Variants in PTPN9 observed in about 807,000 individuals in gnomAD.
The protein encoded by PTPN9 is protein tyrosine phosphatase non-receptor type 9.
Under a neutral mutation model 69.8 loss-of-function variants are expected in PTPN9, and 26 were observed. The observed-to-expected ratio is 0.37, with a 90% CI of 0.27 to 0.52. The LOEUF (loss-of-function observed/expected upper bound fraction) is 0.52. PTPN9 is among the 20% of genes least tolerant of loss of function. The pLI, the probability that PTPN9 is intolerant of heterozygous loss-of-function variation, is 0.91. For synonymous variants in PTPN9, 274 were observed against 272.5 expected (o/e 1.01, Z -0.05); for missense variants, 549 against 740.3 (o/e 0.74, Z 3.00).
Position 75,527,127 on chromosome 15 carries a change from G to A in PTPN9, c.198C>T (p.His66=), listed in dbSNP as rs2141322274. 3 of 1,614,174 alleles carry A rather than the reference G, an allele frequency of 1.9e-6. No individual in the cohort carries two copies. The highest frequency in any genetic ancestry group is 2.5e-6 in the Non-Finnish European group (3 of 1,180,028). ...FDVLRAIELF[H]SYRETRRKEG... ...CCCCTGAGCCACATACTCTGTAGGA[G>A]TGGAACAATTCTATGGCACGGAGCA... Residue 66 remains histidine (H), a synonymous_variant, in exon 2 of 13, where the codon CAC becomes CAT. Coordinates refer to ENST00000618819, the MANE Select transcript of PTPN9 (RefSeq NM_002833.4).
intron 1 of PTPN9, among the ~76,000 whole-genome samples, chr15:75,577,866 C>A (rs2075180770): frequency 6.6e-6 from 1 of 152,050 alleles, no homozygotes; most frequent in Non-Finnish European, 1.5e-5. Context: ...CAGCGAAAAG[C>A]CCGTAGGGTT....
chr15:75,532,421 T>C (rs896478656), intron 1 of PTPN9, among the ~76,000 whole-genome samples: 12 of 151,886 alleles, frequency 7.9e-5, no homozygotes. Context: ...AAAAGATAAC[T>C]TTTCATTTTT....
At chr15:75,527,007 T>C (rs895650128) in intron 2 of PTPN9, 111 bp downstream of exon 2, 4 of 1,373,168 alleles carry the variant, frequency 2.9e-6, no homozygotes, top group Non-Finnish European at 4.0e-6. Flanking sequence ...CCATTTTTTA[T>C]GAAAGTGAGG....
intron 12 of PTPN9, 61 bp from the exon 13 acceptor site, chr15:75,469,044 A>G: frequency 7.0e-7 from 1 of 1,431,524 alleles, no homozygotes; most frequent in East Asian, 2.4e-5. Context: ...CCCTCTACCA[A>G]ATAACCCAGG....
intron 1 of PTPN9, among the ~76,000 whole-genome samples, chr15:75,578,104 G>A (rs112166367): frequency 2.1e-4 from 32 of 152,316 alleles, no homozygotes; most frequent in African/African-American, 6.0e-4. Context: ...CGGGTGAGGA[G>A]ATGCGCCCCG....
intron 1 of PTPN9, among the ~76,000 whole-genome samples, chr15:75,573,166 A>G (rs898689564): frequency 2.0e-5 from 3 of 152,206 alleles, no homozygotes; most frequent in Non-Finnish European, 2.9e-5. Flanking sequence ...TCATGGCTAC[A>G]TCACTTGTTA....
intron 10 of PTPN9, among the ~76,000 whole-genome samples, chr15:75,471,291 A>T (rs2074563292): frequency 6.6e-6 from 1 of 152,138 alleles, no homozygotes. Context: ...AGAAAAAGAA[A>T]AAAAAAGAGT....
At chr15:75,557,389 C>T (rs1008332592) in intron 1 of PTPN9, among the ~76,000 whole-genome samples, 1 of 151,512 alleles carries the variant, frequency 6.6e-6, no homozygotes, top group African/African-American at 2.4e-5. Flanking sequence ...CACACCATTG[C>T]ACTCCAGCCT....
At chr15:75,524,700 C>A (rs1446117824) in intron 2 of PTPN9, among the ~76,000 whole-genome samples, 1 of 149,566 alleles carries the variant, frequency 6.7e-6, no homozygotes, top group Non-Finnish European at 1.5e-5. Context: ...ATCGCTTGAA[C>A]CCAGAAGGTG....
intron 1 of PTPN9, among the ~76,000 whole-genome samples, chr15:75,570,972 C>T (rs901438115): frequency 1.3e-5 from 2 of 151,950 alleles, no homozygotes; most frequent in Non-Finnish European, 2.9e-5. Flanking sequence ...TATTCAAAAA[C>T]GATGAGGACG....
intron 5 of PTPN9, among the ~76,000 whole-genome samples, chr15:75,511,870 ATTT>A (rs11322621): frequency 2.1e-5 from 3 of 145,170 alleles, no homozygotes; most frequent in Non-Finnish European, 1.5e-5. Flanking sequence ...TCACTTTAAT[ATTT>A]TTTTTTTTTT....
intron 1 of PTPN9, among the ~76,000 whole-genome samples, chr15:75,544,049 A>G (rs1371834573): frequency 6.6e-6 from 1 of 152,232 alleles, no homozygotes; most frequent in Non-Finnish European, 1.5e-5. Context: ...TCAGGTTTAA[A>G]AAACACTTGC....
Position 75,469,796 on chromosome 15 carries a change from C to A in PTPN9, c.1563G>T (p.Arg521Ser). The A allele has an allele frequency of 6.2e-7, 1 of 1,612,596 alleles. No homozygotes were observed. Among genetic ancestry groups the A allele is most frequent in the Non-Finnish European group, 8.5e-7 (1 of 1,179,958 alleles). ...GAGCTGCATTAGGTGCGTTACCTGT[C>A]CTGCCAATGCCTGCACTGCAATGGA... ...IVVHCSAGIG[R>S]TGTFCSLDIC... The change falls in exon 12 of 13, where the codon AGG becomes AGT. Residue 521 changes from arginine (R) to serine (S), a missense_variant. This residue lies in a region of PTPN9 where 457 missense variants were observed against 661.9 expected (regional missense o/e 0.69). Transcript: ENST00000618819.
At chr15:75,502,768 G>A (rs1303834928) in intron 7 of PTPN9, among the ~76,000 whole-genome samples, 1 of 152,122 alleles carries the variant, frequency 6.6e-6, no homozygotes, top group Non-Finnish European at 1.5e-5. Context: ...CAAATGAACA[G>A]ACCAGCACTC....
chr15:75,485,116 G>A (rs1011710473), intron 8 of PTPN9, among the ~76,000 whole-genome samples: 2 of 152,116 alleles, frequency 1.3e-5, no homozygotes, highest in Non-Finnish European at 2.9e-5. Context: ...ACCACCTGCA[G>A]CAGACCCAGC....
intron 7 of PTPN9, among the ~76,000 whole-genome samples, chr15:75,495,728 A>AAAC (rs566966389): frequency 6.6e-5 from 10 of 151,998 alleles, no homozygotes; most frequent in South Asian, 2.1e-4. Context: ...CAACAAAACA[A>AAAC]AACAACAACA....
intron 4 of PTPN9, among the ~76,000 whole-genome samples, chr15:75,522,319 T>C (rs2074908780): frequency 6.6e-6 from 1 of 152,200 alleles, no homozygotes; most frequent in Admixed American, 6.5e-5. Context: ...AGGATGGTTT[T>C]TGCTTAACTT....
chr15:75,498,489 T>C (rs2074755959), intron 7 of PTPN9, among the ~76,000 whole-genome samples: 1 of 151,384 alleles, frequency 6.6e-6, no homozygotes, highest in African/African-American at 2.4e-5. Flanking sequence ...CCGAGGTGAG[T>C]GGATCACCTG....
intron 1 of PTPN9, among the ~76,000 whole-genome samples, chr15:75,550,770 G>C (rs1332776537): frequency 6.6e-6 from 1 of 152,040 alleles, no homozygotes; most frequent in Non-Finnish European, 1.5e-5. Context: ...GGCAAAAAGA[G>C]TGAAACTCCA....
Sources: allele counts gnomAD v4.1 joint callset (sites outside exome capture counted in the v4.1 genomes callset), GRCh38; gene constraint gnomAD v4.1.1; regional missense constraint gnomAD v4.1.1; transcripts MANE v1.5; gene names NCBI Gene and HGNC (gene_info 2026-07-23, HGNC 2026-07-21).